The following CSMD3 variants were observed in gnomAD, a reference collection of about 807,000 sequenced individuals.
CSMD3 encodes CUB and Sushi multiple domains 3.
A neutral mutation model predicts 435.2 loss-of-function variants in CSMD3; 177 were observed. The ratio of observed to expected loss-of-function variants is 0.41; its 90% CI spans 0.36 to 0.46. CSMD3 has a LOEUF of 0.46. CSMD3 is among the 20% of genes least tolerant of loss of function. CSMD3 has a pLI of 0.34. For synonymous variants in CSMD3, 1,656 were observed against 1,520.5 expected, an observed-to-expected ratio of 1.09 and a Z score of -2.07; for missense variants, 4,265 against 4,504.6, an observed-to-expected ratio of 0.95 and a Z score of 1.52.
intron 31 of CSMD3, among the ~76,000 whole-genome samples, chr8:112,490,352 C>A (rs994440790): frequency 2.0e-5 from 3 of 152,118 alleles, no homozygotes; most frequent in Non-Finnish European, 4.4e-5. Context: ...ATTCAACCAA[C>A]ATTAAGTATA....
At chr8:113,385,634 G>A (rs1049119033) in intron 1 of CSMD3, among the ~76,000 whole-genome samples, 2 of 152,030 alleles carry the variant, frequency 1.3e-5, no homozygotes, top group Non-Finnish European at 1.5e-5. Flanking sequence ...CTGCACCCCA[G>A]GGAATATGTC....
intron 47 of CSMD3, among the ~76,000 whole-genome samples, chr8:112,317,765 T>C (rs1272886042): frequency 2.0e-5 from 3 of 152,178 alleles, no homozygotes; most frequent in East Asian, 1.9e-4. Flanking sequence ...CTGCAATCTT[T>C]TTATCTTCTT....
Position 112,319,980 on chromosome 8 carries a change from G to A in CSMD3, c.7167C>T (p.Ala2389=). Residue 2389 remains alanine, a splice_region_variant and synonymous_variant, in exon 46 of 71, where the codon GCC becomes GCT. Coordinates refer to ENST00000297405, the MANE Select transcript of CSMD3 (RefSeq NM_198123.2). ...TSGFFVLSYH[A]YQLRVCQPPP... ...GAGGTTGGCACACCCTTAGTTGATA[G>A]GCTACAAAAATAAACAAAGTGTTTA... is the stretch of plus-strand genomic sequence containing the variant. 1 of 1,606,816 alleles carries A rather than the reference G, an allele frequency of 6.2e-7. No individual in the cohort carries two copies. The highest frequency in any genetic ancestry group is 8.5e-7 in the Non-Finnish European group (1 of 1,173,808).
intron 4 of CSMD3, among the ~76,000 whole-genome samples, chr8:113,131,144 C>G (rs369852642): frequency 6.6e-6 from 1 of 152,106 alleles, no homozygotes. Flanking sequence ...AATTTGCCAA[C>G]TGACCATGTG....
rs1200630981 is a variant in CSMD3, at chr8:113,251,254, CAGAG to C, written c.514+27334_514+27337del. 2.2e-4 allele frequency among the ~76,000 whole-genome samples: 33 copies of C among 151,942 alleles called. No individual in the cohort carries two copies. In the East Asian group the frequency reaches 6.0e-3, roughly 28 times the overall value. Reference sequence around the variant, plus strand: ...TGTCTCATTCATGATAATGGAGAAACAGAGAGAAACAGTAGGAAGCACAAAGAAT... The same window carrying C: ...TGTCTCATTCATGATAATGGAGAAACAGAAACAGTAGGAAGCACAAAGAAT... On this transcript the variant is annotated intron_variant, in intron 3 of 70. Transcript: ENST00000297405.
In CSMD3 at chr8:112,829,718, G is replaced by A. The variant is rs765801232; in HGVS notation, c.1827C>T (p.Gly609=). The change falls in exon 12 of 71, where the codon GGC becomes GGT. Residue 609 remains glycine, a synonymous_variant. Transcript: ENST00000297405. ...GCACTGTCCTAGGATCTCCAACTTC[G>A]CCCCCATCGCCAATTGTCAAGGTAT... ...GYDTLTIGDG[G]EVGDPRTVLQ... 2.9e-5 allele frequency: 46 copies of A among 1,612,112 alleles called. No individual in the cohort carries two copies. In the East Asian group the frequency reaches 5.6e-4, roughly 20 times the overall value.
At chr8:112,508,198 G>T (rs1405008757) in intron 28 of CSMD3, among the ~76,000 whole-genome samples, 1 of 151,870 alleles carries the variant, frequency 6.6e-6, no homozygotes, top group Non-Finnish European at 1.5e-5. Flanking sequence ...ACACGCTCAG[G>T]TTTCTTTCAT....
chr8:113,296,347 C>A (rs2093721854), intron 2 of CSMD3, among the ~76,000 whole-genome samples: 1 of 151,132 alleles, frequency 6.6e-6, no homozygotes, highest in South Asian at 2.1e-4. Context: ...GGTGAAACCA[C>A]ATCTCTACTA....
chr8:112,793,894 T>C (rs2078756107), intron 13 of CSMD3, among the ~76,000 whole-genome samples: 1 of 152,182 alleles, frequency 6.6e-6, no homozygotes, highest in Non-Finnish European at 1.5e-5. Flanking sequence ...AAGAGGAAGA[T>C]TTAGACTAAA....
Position 112,241,740 on chromosome 8 carries a change from G to T in CSMD3, c.10448C>A (p.Thr3483Lys), listed in dbSNP as rs1233058192. Reference protein sequence around the residue: ...LVKDPRPALGTPSPKLSVPDD... With the variant: ...LVKDPRPALGKPSPKLSVPDD... ...CTAACCACTTAGCTTTGGGCTGGGT[G>T]TTCCCAGTGCAGGTCTAGGATCTTT... The change falls in exon 66 of 71, where the codon ACA becomes AAA. Residue 3483 changes from threonine to lysine, a missense_variant. By Grantham distance (78) the Thr-to-Lys change is moderately conservative. This residue lies in a region of CSMD3 where 3,255 missense variants were observed against 3,380.2 expected (regional missense o/e 0.96). Transcript: ENST00000297405. 1 of 1,612,266 alleles carries T rather than the reference G, an allele frequency of 6.2e-7. No homozygotes were observed. Among genetic ancestry groups the T allele is most frequent in the Non-Finnish European group, 8.5e-7 (1 of 1,178,448 alleles).
At chr8:112,256,155 T>TG (rs1293688125) in intron 61 of CSMD3, among the ~76,000 whole-genome samples, 5 of 152,148 alleles carry the variant, frequency 3.3e-5, no homozygotes, top group Non-Finnish European at 7.4e-5. Flanking sequence ...CTAGGTGGTT[T>TG]GGGGCACTTG....
intron 3 of CSMD3, among the ~76,000 whole-genome samples, chr8:113,233,373 A>G (rs1230125876): frequency 6.6e-6 from 1 of 151,250 alleles, no homozygotes; most frequent in Non-Finnish European, 1.5e-5. Context: ...AAAAAAGTGT[A>G]TTTTAAAAAT....
At chr8:112,353,393 A>T (rs972288580) in intron 38 of CSMD3, among the ~76,000 whole-genome samples, 2 of 152,210 alleles carry the variant, frequency 1.3e-5, no homozygotes, top group African/African-American at 4.8e-5. Context: ...TCATCTCAAA[A>T]AAAAGGAAAG....
chr8:112,510,829 G>A (rs556921891), intron 28 of CSMD3, among the ~76,000 whole-genome samples: 13 of 152,110 alleles, frequency 8.5e-5, no homozygotes, highest in African/African-American at 3.1e-4. Context: ...TTTATTCCTA[G>A]AATTCAGTGC....
intron 13 of CSMD3, among the ~76,000 whole-genome samples, chr8:112,709,812 T>A (rs1163939556): frequency 2.6e-5 from 4 of 152,012 alleles, no homozygotes; most frequent in African/African-American, 4.8e-5. Context: ...TTTTTAGGGT[T>A]AGGGTTAGTG....
intron 22 of CSMD3, among the ~76,000 whole-genome samples, chr8:112,625,179 G>C (rs1834377042): frequency 6.6e-6 from 1 of 152,028 alleles, no homozygotes; most frequent in African/African-American, 2.4e-5. Flanking sequence ...GCCCAGATTA[G>C]ACCCTAGTCA....
chr8:113,305,606 G>T (rs767545741), intron 2 of CSMD3, among the ~76,000 whole-genome samples: 2 of 152,148 alleles, frequency 1.3e-5, no homozygotes, highest in African/African-American at 4.8e-5. Context: ...TTCACTAAAA[G>T]CCACCTCATT....
chr8:113,399,320 C>G (rs577717739), intron 1 of CSMD3, among the ~76,000 whole-genome samples: 162 of 151,540 alleles, frequency 1.1e-3, no homozygotes, highest in Admixed American at 2.8e-3. Flanking sequence ...CAACTCCTAA[C>G]TATAGATCCC....
intron 13 of CSMD3, among the ~76,000 whole-genome samples, chr8:112,756,723 C>T (rs1425080624): frequency 6.6e-6 from 1 of 151,428 alleles, no homozygotes; most frequent in Non-Finnish European, 1.5e-5. Flanking sequence ...GGAAAGAGTT[C>T]CTTGAAATCG....
Sources: gnomAD v4.1 joint callset for allele counts (sites outside exome capture counted in the v4.1 genomes callset) on GRCh38, gnomAD v4.1.1 for gene constraint, gnomAD v4.1.1 regional missense constraint, MANE v1.5 for transcripts, NCBI Gene and HGNC (gene_info 2026-07-23, HGNC 2026-07-21) for gene names.